Variants in FRMD4A observed in about 807,000 individuals in gnomAD.
The protein encoded by FRMD4A is FERM domain-containing protein 4A.
In FRMD4A, 29 loss-of-function variants were observed where a neutral mutation model predicts 129.1. That is an observed-to-expected ratio of 0.22 (90% CI 0.17 to 0.31). The LOEUF (loss-of-function observed/expected upper bound fraction) is 0.31. FRMD4A is among the 10% of genes least tolerant of loss of function. The pLI is 1.00. For missense variants in FRMD4A, 1,272 were observed against 1,375.8 expected (o/e 0.92, Z 1.19); for synonymous variants, 634 against 571.6 (o/e 1.11, Z -1.56).
At chr10:13,714,027 C>CATATATATATATATATATTTTATATATAT (rs2088445639) in intron 12 of FRMD4A, among the ~76,000 whole-genome samples, 1 of 31,170 alleles carries the variant, frequency 3.2e-5, no homozygotes, top group Non-Finnish European at 5.1e-5. Flanking sequence ...ATAAAATATA[C>CATATATATATATATATATTTTATATATAT]ATATATATAT....
At chr10:14,207,617 A>G (rs536272849) in intron 2 of FRMD4A, among the ~76,000 whole-genome samples, 2 of 151,970 alleles carry the variant, frequency 1.3e-5, no homozygotes, top group Non-Finnish European at 2.9e-5. Context: ...AATACACCTC[A>G]TCAATTGCTT....
intron 16 of FRMD4A, among the ~76,000 whole-genome samples, chr10:13,672,236 G>T (rs2083570404): frequency 6.6e-6 from 1 of 152,142 alleles, no homozygotes; most frequent in African/African-American, 2.4e-5. Flanking sequence ...AAGCATTTCA[G>T]AGCACAATGG....
chr10:13,677,277 GAA>G (rs2084090295), intron 15 of FRMD4A, among the ~76,000 whole-genome samples: 1 of 152,102 alleles, frequency 6.6e-6, no homozygotes, highest in African/African-American at 2.4e-5. Flanking sequence ...TGTCACCGCA[GAA>G]ACATACTATC....
At chr10:13,861,605 C>A (rs1281948359) in intron 2 of FRMD4A, among the ~76,000 whole-genome samples, 4 of 152,192 alleles carry the variant, frequency 2.6e-5, no homozygotes, top group Non-Finnish European at 5.9e-5. Flanking sequence ...CAATCCAAAG[C>A]CTTGCCATTC....
chr10:14,321,755 C>T (rs183232226), intron 2 of FRMD4A, among the ~76,000 whole-genome samples: 1 of 152,170 alleles, frequency 6.6e-6, no homozygotes, highest in South Asian at 2.1e-4. Flanking sequence ...AGAGGCCCTG[C>T]AGGTAGCCCA....
chr10:14,185,601 A>G (rs889461305), intron 2 of FRMD4A, among the ~76,000 whole-genome samples: 7 of 142,882 alleles, frequency 4.9e-5, no homozygotes, highest in African/African-American at 1.8e-4. Flanking sequence ...AGAAACAGGT[A>G]GAGAGACAGA....
intron 24 of FRMD4A, among the ~76,000 whole-genome samples, chr10:13,650,476 C>T (rs189545809): frequency 5.9e-5 from 9 of 152,302 alleles, no homozygotes; most frequent in East Asian, 1.9e-4. Flanking sequence ...ACATTCCCAC[C>T]GCAGCTCTTT....
intron 2 of FRMD4A, among the ~76,000 whole-genome samples, chr10:14,115,138 G>T (rs991799978): frequency 6.6e-6 from 1 of 152,204 alleles, no homozygotes; most frequent in African/African-American, 2.4e-5. Flanking sequence ...TCCCCTGGAA[G>T]CTTGCAGTCT....
intron 2 of FRMD4A, among the ~76,000 whole-genome samples, chr10:13,921,732 T>C (rs1220979904): frequency 6.6e-6 from 1 of 152,126 alleles, no homozygotes; most frequent in Non-Finnish European, 1.5e-5. Flanking sequence ...ACATAAGGAA[T>C]GGAGTCTTGG....
At chr10:13,864,349 A>AAAG (rs1049840581) in intron 2 of FRMD4A, among the ~76,000 whole-genome samples, 7 of 150,800 alleles carry the variant, frequency 4.6e-5, no homozygotes, top group Non-Finnish European at 8.9e-5. Flanking sequence ...AAAAAAAAAA[A>AAAG]AAAAAGAAAA....
chr10:14,246,271 C>T (rs1034004722), intron 2 of FRMD4A, among the ~76,000 whole-genome samples: 2 of 152,060 alleles, frequency 1.3e-5, no homozygotes, highest in Non-Finnish European at 2.9e-5. Context: ...TCAAGAAGAA[C>T]CTTTATATCA....
At chr10:13,881,738 C>CA (rs2094548258) in intron 2 of FRMD4A, among the ~76,000 whole-genome samples, 1 of 151,924 alleles carries the variant, frequency 6.6e-6, no homozygotes, top group Non-Finnish European at 1.5e-5. Flanking sequence ...CGGTGGGAGG[C>CA]ATGTGAACAG....
intron 2 of FRMD4A, among the ~76,000 whole-genome samples, chr10:14,227,428 T>G (rs1843482596): frequency 6.6e-6 from 1 of 151,656 alleles, no homozygotes; most frequent in South Asian, 2.1e-4. Context: ...ATTTTTGTAT[T>G]TTTAGTAGAG....
chr10:14,271,400 C>A (rs1391077029), intron 2 of FRMD4A, among the ~76,000 whole-genome samples: 1 of 152,210 alleles, frequency 6.6e-6, no homozygotes, highest in East Asian at 1.9e-4. Context: ...GATGCTATCC[C>A]TTTATAGGGC....
Position 14,328,656 on chromosome 10 carries a change from G to GTGTC in FRMD4A, c.45+1401_45+1402insGACA, listed in dbSNP as rs572412603. Among the ~76,000 whole-genome samples the GTGTC allele has an allele frequency of 3.8e-3, 567 of 151,136 alleles. 4 individuals carry two copies. Among genetic ancestry groups the GTGTC allele is most frequent in the African/African-American group, 0.013 (523 of 41,104 alleles). ...TGTGTGTGTGTGTGTGTGTGTGTGT[G>GTGTC]TGTGCATATGTGTGCCTGTATTTCA... On this transcript the variant is annotated intron_variant, in intron 2 of 24. Transcript: ENST00000357447.
At chr10:13,673,604 A>C (rs561910816) in intron 16 of FRMD4A, among the ~76,000 whole-genome samples, 4 of 151,576 alleles carry the variant, frequency 2.6e-5, no homozygotes, top group Admixed American at 1.3e-4. Flanking sequence ...ACACACACAC[A>C]CAGAGTCATG....
chr10:13,954,308 A>G (rs1054218576), intron 2 of FRMD4A, among the ~76,000 whole-genome samples: 1 of 152,214 alleles, frequency 6.6e-6, no homozygotes, highest in Non-Finnish European at 1.5e-5. Flanking sequence ...ACGGTTTCAC[A>G]TGGCTGGGGA....
intron 12 of FRMD4A, among the ~76,000 whole-genome samples, chr10:13,731,063 T>C (rs149928186): frequency 2.0e-3 from 304 of 152,024 alleles, no homozygotes; most frequent in African/African-American, 6.5e-3. Flanking sequence ...CTATTGTGAC[T>C]TTTCTACTTC....
intron 2 of FRMD4A, among the ~76,000 whole-genome samples, chr10:14,250,218 C>T (rs1459505457): frequency 6.6e-6 from 1 of 152,204 alleles, no homozygotes; most frequent in East Asian, 1.9e-4. Context: ...GCCTCGGCCT[C>T]CCAAAGTGCT....
Sources: gnomAD v4.1 joint callset for allele counts (sites outside exome capture counted in the v4.1 genomes callset) on GRCh38, gnomAD v4.1.1 for gene constraint, MANE v1.5 for transcripts, NCBI Gene and HGNC (gene_info 2026-07-23, HGNC 2026-07-21) for gene names.